The following SPHKAP variants were observed in gnomAD, a reference collection of about 807,000 sequenced individuals.
The protein encoded by SPHKAP is A-kinase anchor protein SPHKAP.
In SPHKAP, 67 loss-of-function variants were observed where a neutral mutation model predicts 137.5. The observed-to-expected ratio is 0.49, with a 90% CI of 0.40 to 0.60. SPHKAP has a LOEUF of 0.60. Among genes scored for constraint, SPHKAP ranks in the 20% least tolerant of loss-of-function variants. The pLI is 0.00. For synonymous variants in SPHKAP, 813 were observed against 785.3 expected (o/e 1.04, Z -0.59); for missense variants, 2,097 against 2,069.3 (o/e 1.01, Z -0.26).
chr2:228,163,274 C>A (rs1700328814), intron 1 of SPHKAP, among the ~76,000 whole-genome samples: 1 of 151,794 alleles, frequency 6.6e-6, no homozygotes, highest in African/African-American at 2.4e-5. Flanking sequence ...ATTATTAAGC[C>A]AACTGAGTGG....
Position 227,980,452 on chromosome 2 carries a change from T to A in SPHKAP, c.*1265A>T, listed in dbSNP as rs1055421275. 2 of 152,194 alleles carry A rather than the reference T, an allele frequency of 1.3e-5. No homozygotes were observed. The highest frequency in any genetic ancestry group is 4.8e-5 in the African/African-American group (2 of 41,438). 9.4% of individuals were successfully genotyped at this position (152,194 alleles called of 1,614,324 possible). ...AAAAGTATAGTTATCCAGAAGTCCT[T>A]AATAAACACCTCTTTGATCAAGAAA... On this transcript the variant is annotated 3_prime_UTR_variant, in exon 12 of 12. Transcript: ENST00000392056.
At chr2:228,168,348 G>T (rs895000786) in intron 1 of SPHKAP, among the ~76,000 whole-genome samples, 3 of 152,100 alleles carry the variant, frequency 2.0e-5, no homozygotes, top group Non-Finnish European at 4.4e-5. Flanking sequence ...TAAATGGAAG[G>T]TTTGTTGAAA....
At chr2:228,108,479 C>A (rs1050508586) in intron 3 of SPHKAP, among the ~76,000 whole-genome samples, 21 of 151,948 alleles carry the variant, frequency 1.4e-4, no homozygotes, top group African/African-American at 5.1e-4. Flanking sequence ...TTAGAAAATA[C>A]CTACTAGCAG....
At chr2:228,023,272 G>C (rs1256700177) in intron 5 of SPHKAP, among the ~76,000 whole-genome samples, 2 of 152,202 alleles carry the variant, frequency 1.3e-5, no homozygotes, top group Non-Finnish European at 2.9e-5. Context: ...ATGCATATGT[G>C]ATTAGGTCTA....
In SPHKAP at chr2:227,993,599, AG is replaced by A. The variant is rs1221889857; in HGVS notation, c.4655del (p.Thr1552IlefsTer21). 2 of 1,599,548 alleles carry A rather than the reference AG, an allele frequency of 1.3e-6. No individual in the cohort carries two copies. The highest frequency in any genetic ancestry group is 2.7e-5 in the African/African-American group (2 of 74,782). ...RSMSNGNSSA[T>X]SSLGIMDLDI... ...CCAGATCCATAATGCCAAGACTGCT[AG>A]TGGCACTACTGTTGCCATTGCTGAC... On this transcript the variant is annotated frameshift_variant, in exon 9 of 12. Transcript: ENST00000392056. LOFTEE classifies it high-confidence loss of function.
intron 7 of SPHKAP, among the ~76,000 whole-genome samples, chr2:228,003,849 C>T (rs1036740518): frequency 3.9e-5 from 6 of 152,068 alleles, no homozygotes; most frequent in Middle Eastern, 3.2e-3. Flanking sequence ...GTTCTGTTTA[C>T]ATACCTGATT....
chr2:228,129,055 C>T (rs780711786), intron 2 of SPHKAP, among the ~76,000 whole-genome samples: 11 of 152,268 alleles, frequency 7.2e-5, no homozygotes, highest in East Asian at 3.9e-4. Context: ...GTCCTTGGAG[C>T]AGTCAGAGCA....
intron 3 of SPHKAP, among the ~76,000 whole-genome samples, chr2:228,078,835 T>A (rs576347500): frequency 2.3e-4 from 35 of 152,080 alleles, no homozygotes; most frequent in Admixed American, 5.2e-4. Flanking sequence ...AGCACCAGCC[T>A]TTGCCTCAGA....
chr2:227,981,976 G>A (rs1693012941), intron 11 of SPHKAP, 116 bp from the exon 12 acceptor site: 4 of 1,365,116 alleles, frequency 2.9e-6, no homozygotes, highest in African/African-American at 3.0e-5. Flanking sequence ...TGTCTCTAGT[G>A]TCAGAGGACT....
chr2:228,146,870 A>C (rs1389068917), intron 1 of SPHKAP, among the ~76,000 whole-genome samples: 2 of 152,232 alleles, frequency 1.3e-5, no homozygotes, highest in African/African-American at 4.8e-5. Flanking sequence ...CTACTTATGC[A>C]TCTGACAAAG....
intron 3 of SPHKAP, among the ~76,000 whole-genome samples, chr2:228,094,302 T>C (rs1385556920): frequency 6.6e-6 from 1 of 152,234 alleles, no homozygotes; most frequent in Non-Finnish European, 1.5e-5. Flanking sequence ...ATTTACTCTG[T>C]GGCCTTGAGA....
In SPHKAP at chr2:228,132,965, T is replaced by C. The variant is rs143888436; in HGVS notation, c.33-880A>G. Reference sequence around the variant, plus strand: ...GTTGCAGTGAGCTGAGATCCCGCTATTGCATTCCAGCCTGGGTGAGACCCT... The same window carrying C: ...GTTGCAGTGAGCTGAGATCCCGCTACTGCATTCCAGCCTGGGTGAGACCCT... On this transcript the variant is annotated intron_variant, in intron 1 of 11. Coordinates refer to ENST00000392056, the MANE Select transcript of SPHKAP (RefSeq NM_001142644.2). 3.0e-3 allele frequency among the ~76,000 whole-genome samples: 441 copies of C among 147,442 alleles called. 3 individuals carry two copies. The highest frequency in any genetic ancestry group is 0.014 in the South Asian group (64 of 4,558).
intron 3 of SPHKAP, among the ~76,000 whole-genome samples, chr2:228,041,601 C>T (rs1317721783): frequency 2.8e-5 from 4 of 141,980 alleles, no homozygotes; most frequent in African/African-American, 1.1e-4. Context: ...GAGCAGAGAT[C>T]GTGTCACTGC....
chr2:228,145,358 C>T (rs980095080), intron 1 of SPHKAP, among the ~76,000 whole-genome samples: 1 of 152,100 alleles, frequency 6.6e-6, no homozygotes, highest in Non-Finnish European at 1.5e-5. Flanking sequence ...ATTTTCTATA[C>T]ATTTAGTATA....
At chr2:228,083,377 A>T (rs1697426343) in intron 3 of SPHKAP, among the ~76,000 whole-genome samples, 1 of 152,206 alleles carries the variant, frequency 6.6e-6, no homozygotes, top group Non-Finnish European at 1.5e-5. Context: ...AATAATTGCC[A>T]TTTGACTGGT....
chr2:227,988,436 C>A (rs1446977538), intron 11 of SPHKAP, among the ~76,000 whole-genome samples: 1 of 152,158 alleles, frequency 6.6e-6, no homozygotes, highest in Non-Finnish European at 1.5e-5. Flanking sequence ...CAAGCATTCT[C>A]TTTGAGAATC....
At chr2:228,113,045 G>A (rs900058587) in intron 2 of SPHKAP, among the ~76,000 whole-genome samples, 3 of 152,208 alleles carry the variant, frequency 2.0e-5, no homozygotes, top group Admixed American at 6.5e-5. Flanking sequence ...AAATCTTGCC[G>A]TGCTTAAGAA....
Position 228,067,048 on chromosome 2 carries a change from G to A in SPHKAP, c.247-39505C>T, listed in dbSNP as rs536136060. Among the ~76,000 whole-genome samples, 5 of 152,272 alleles carry A rather than the reference G, an allele frequency of 3.3e-5. No individual in the cohort carries two copies. In the South Asian group the frequency reaches 1.0e-3, roughly 32 times the overall value. On this transcript the variant is annotated intron_variant, in intron 3 of 11. Transcript: ENST00000392056. ...TTTGAAAATTCAGCTCCACCGACGT[G>A]ACTAAAAAAGTGCAGATCCCAAGAA...
chr2:228,012,864 C>T (rs1694442564), intron 7 of SPHKAP, among the ~76,000 whole-genome samples: 1 of 152,186 alleles, frequency 6.6e-6, no homozygotes, highest in Admixed American at 6.5e-5. Context: ...CTCAACTTAT[C>T]AAGAAGTCCA....
Sources: allele counts gnomAD v4.1 joint callset (sites outside exome capture counted in the v4.1 genomes callset), GRCh38; gene constraint gnomAD v4.1.1; transcripts MANE v1.5; gene names NCBI Gene and HGNC (gene_info 2026-07-23, HGNC 2026-07-21).